PALLD: variants seen among roughly 807,000 people sequenced by gnomAD.
PALLD encodes palladin.
In PALLD, 61 loss-of-function variants were observed where a neutral mutation model predicts 123.5. That is an observed-to-expected ratio of 0.49 (90% CI 0.40 to 0.61). The LOEUF is 0.61. Among genes scored for constraint, PALLD ranks in the 20% least tolerant of loss-of-function variants. PALLD has a pLI of 0.00. For synonymous variants in PALLD, 465 were observed against 496.4 expected (o/e 0.94, Z 0.84); for missense variants, 1,273 against 1,377.0 (o/e 0.92, Z 1.20).
intron 11 of PALLD, among the ~76,000 whole-genome samples, chr4:168,893,834 A>G (rs1477615574): frequency 1.3e-5 from 2 of 152,202 alleles, no homozygotes; most frequent in Non-Finnish European, 2.9e-5. Context: ...GAACACTACC[A>G]CTTTCTTTGC....
intron 10 of PALLD, 80 bp from the exon 11 acceptor site, chr4:168,890,840 CTG>C (rs1754052013): frequency 7.1e-7 from 1 of 1,404,852 alleles, no homozygotes; most frequent in African/African-American, 1.4e-5. Flanking sequence ...ATACCTTGCA[CTG>C]TCTTTGTTGG....
chr4:168,767,996 T>C (rs1456197641), intron 10 of PALLD, among the ~76,000 whole-genome samples: 1 of 152,182 alleles, frequency 6.6e-6, no homozygotes, highest in African/African-American at 2.4e-5. Flanking sequence ...CCATACTCCC[T>C]GTAAGCTCCT....
chr4:168,741,261 C>T (rs1412433068), intron 10 of PALLD, among the ~76,000 whole-genome samples: 3 of 152,136 alleles, frequency 2.0e-5, no homozygotes, highest in Non-Finnish European at 4.4e-5. Flanking sequence ...TATTTGTCTT[C>T]ATCGCTATAA....
At chr4:168,785,846 G>GATATATATATAT (rs6148775) in intron 10 of PALLD, among the ~76,000 whole-genome samples, 1,889 of 80,606 alleles carry the variant, frequency 0.023, 106 homozygotes, top group South Asian at 0.035. Context: ...AAACTGTAGA[G>GATATATATATAT]ATATATATAT....
chr4:168,922,969 G>A (rs1761879606), intron 18 of PALLD, among the ~76,000 whole-genome samples: 1 of 152,164 alleles, frequency 6.6e-6, no homozygotes, highest in Admixed American at 6.6e-5. Flanking sequence ...AGCTATCTCT[G>A]CGACTTAGTT....
At chr4:168,757,718 C>T (rs28608517) in intron 10 of PALLD, among the ~76,000 whole-genome samples, 3,529 of 152,294 alleles carry the variant, frequency 0.023, 140 homozygotes, top group African/African-American at 0.081. Flanking sequence ...AAAATGACAA[C>T]GGCAATAGTA....
At chr4:168,892,739 T>C (rs1754330900) in intron 11 of PALLD, among the ~76,000 whole-genome samples, 1 of 151,952 alleles carries the variant, frequency 6.6e-6, no homozygotes, top group African/African-American at 2.4e-5. Context: ...TTTTTTTTTC[T>C]TTTTGGCTGT....
intron 10 of PALLD, among the ~76,000 whole-genome samples, chr4:168,833,141 A>C (rs1354477145): frequency 6.6e-6 from 1 of 152,120 alleles, no homozygotes; most frequent in Non-Finnish European, 1.5e-5. Flanking sequence ...TCTGTCCCGA[A>C]TGGTGAGTGG....
At chr4:168,634,388 G>A (rs1561328552) in intron 2 of PALLD, among the ~76,000 whole-genome samples, 4 of 152,220 alleles carry the variant, frequency 2.6e-5, no homozygotes, top group South Asian at 2.1e-4. Context: ...GTAATTAAAC[G>A]TGCCTCTGCC....
intron 2 of PALLD, among the ~76,000 whole-genome samples, chr4:168,638,829 G>A (rs1776608562): frequency 2.6e-5 from 4 of 152,004 alleles, no homozygotes; most frequent in Admixed American, 1.3e-4. Context: ...TTGGGAGGGG[G>A]GGCGGGCCAT....
intron 2 of PALLD, among the ~76,000 whole-genome samples, chr4:168,608,144 G>A (rs1216856369): frequency 2.6e-5 from 4 of 152,296 alleles, no homozygotes; most frequent in South Asian, 2.1e-4. Flanking sequence ...GAGCAGGGTC[G>A]CATTGGGAGC....
At chr4:168,764,792 TTCTC>T (rs1733438083) in intron 10 of PALLD, among the ~76,000 whole-genome samples, 1 of 152,076 alleles carries the variant, frequency 6.6e-6, no homozygotes, top group African/African-American at 2.4e-5. Flanking sequence ...AAGTTTTCCT[TTCTC>T]TCTAACCTGC....
intron 15 of PALLD, among the ~76,000 whole-genome samples, chr4:168,912,528 G>T (rs1759193524): frequency 6.6e-6 from 1 of 152,162 alleles, no homozygotes; most frequent in South Asian, 2.1e-4. Flanking sequence ...CATGTCATCT[G>T]GGTGCCCTGA....
At chr4:168,562,002 C>T (rs765802313) in intron 2 of PALLD, among the ~76,000 whole-genome samples, 2 of 151,864 alleles carry the variant, frequency 1.3e-5, no homozygotes, top group Non-Finnish European at 2.9e-5. Context: ...CAGACATTGC[C>T]TAAATATTTA....
chr4:168,635,373 G>A (rs1343304636), intron 2 of PALLD, among the ~76,000 whole-genome samples: 2 of 152,184 alleles, frequency 1.3e-5, no homozygotes, highest in African/African-American at 2.4e-5. Context: ...GCAACACTTC[G>A]TTTGTGAGAC....
rs1410075475 is a variant in PALLD, at chr4:168,517,627, T to C, written c.908+5215T>C. Among the ~76,000 whole-genome samples the C allele has an allele frequency of 2.0e-5, 3 of 152,336 alleles. 1 individual carries two copies. The highest frequency in any genetic ancestry group is 4.1e-4 in the South Asian group (2 of 4,830). On this transcript the variant is annotated intron_variant, in intron 2 of 21. Coordinates refer to ENST00000505667, the MANE Select transcript of PALLD (RefSeq NM_001166108.2). ...CAGGAAGAAAAACAAGCCATGAATT[T>C]ACTTTTCTTACTAAGGGTAAGAAAA...
intron 13 of PALLD, chr4:168,898,143 T>C (rs1755653580): frequency 6.2e-6 from 2 of 322,510 alleles, no homozygotes; most frequent in Middle Eastern, 1.1e-3. Context: ...AAATCAGCGT[T>C]CCATTATATT....
chr4:168,602,406 C>T (rs549770462), intron 2 of PALLD, among the ~76,000 whole-genome samples: 19 of 152,102 alleles, frequency 1.2e-4, no homozygotes, highest in Non-Finnish European at 1.6e-4. Flanking sequence ...GTGACAACTG[C>T]CAAAAGAGAA....
chr4:168,828,681 C>G (rs572283180), intron 10 of PALLD, among the ~76,000 whole-genome samples: 1 of 152,348 alleles, frequency 6.6e-6, no homozygotes, highest in African/African-American at 2.4e-5. Flanking sequence ...GTTACTTTCA[C>G]CCTTTCCACT....
Sources: gnomAD v4.1 joint callset for allele counts (sites outside exome capture counted in the v4.1 genomes callset) on GRCh38, gnomAD v4.1.1 for gene constraint, MANE v1.5 for transcripts, NCBI Gene and HGNC (gene_info 2026-07-23, HGNC 2026-07-21) for gene names.